ACADL: variants seen among roughly 807,000 people sequenced by gnomAD.
ACADL encodes the protein long-chain specific acyl-CoA dehydrogenase, mitochondrial.
Under a neutral mutation model 56.9 loss-of-function variants are expected in ACADL, and 60 were observed. That is an observed-to-expected ratio of 1.05 (90% confidence interval 0.86 to 1.31). The LOEUF is 1.31. Ranked by LOEUF, ACADL falls within the 50% of genes most tolerant of loss-of-function variation. The pLI is 0.00. For synonymous variants in ACADL, 158 were observed against 179.7 expected (o/e 0.88, Z 0.97); for missense variants, 484 against 525.5 (o/e 0.92, Z 0.77).
rs1689245103 is a variant in ACADL at position 210,224,997 on chromosome 2, C to T, written c.77+190G>A. The T allele has an allele frequency of 4.3e-6, 6 of 1,407,900 alleles. No homozygotes were observed. The South Asian group carries it at 7.7e-5, about 18-fold the overall frequency. The allele number at this position is 1,407,900 out of a possible 1,614,324, so 87.2% of individuals were successfully genotyped here. A position where few individuals can be genotyped will look rare whatever the true frequency, so the allele number is the denominator to read the frequency against. ...GCACGGCTGACACCCCTTTTTCCTC[C>T]GCCCAGATGCTGGTTGCACCCAGTC... On this transcript the variant is annotated intron_variant, in intron 1 of 10. Coordinates refer to ENST00000233710, the MANE Select transcript of ACADL (RefSeq NM_001608.4).
Position 210,225,283 on chromosome 2 carries a change from C to T in ACADL, c.-20G>A. 6.5e-7 allele frequency: 1 copy of T among 1,546,892 alleles called. No homozygotes were observed. ...GGCCATGTCCGAAACACAGGGGCGG[C>T]GGGGCGACGGAGGCGACTCTGCGGC... On this transcript the variant is annotated 5_prime_UTR_variant, in exon 1 of 11. Coordinates refer to ENST00000233710, the MANE Select transcript of ACADL (RefSeq NM_001608.4).
In ACADL at chr2:210,225,174, G is replaced by A. The variant is rs577868654; in HGVS notation, c.77+13C>T. The A allele has an allele frequency of 8.5e-6, 13 of 1,530,114 alleles. No homozygotes were observed. In the South Asian group the frequency reaches 1.3e-4, roughly 15 times the overall value. The allele number at this position is 1,530,114 out of a possible 1,614,324, so 94.8% of individuals were successfully genotyped here. A position where few individuals can be genotyped will look rare whatever the true frequency, so the allele number is the denominator to read the frequency against. ...CCCGGCCTGCAGCCGCGGAAGTCCC[G>A]GCTGGCACTCACCGCGCGGCGGGCA... On this transcript the variant is annotated intron_variant, in intron 1 of 10. Transcript: ENST00000233710.
chr2:210,212,222 C>A (rs1427963594), intron 4 of ACADL, among the ~76,000 whole-genome samples: 1 of 151,710 alleles, frequency 6.6e-6, no homozygotes, highest in Non-Finnish European at 1.5e-5. Flanking sequence ...GCTGTTGTAC[C>A]TTACATGGAA....
At position 210,220,013 on chromosome 2, in the gene ACADL, T is replaced by A. The variant is rs573416765; in HGVS notation, c.233+634A>T. 5.5e-4 allele frequency among the ~76,000 whole-genome samples: 84 copies of A among 152,232 alleles called. 2 individuals are homozygous for A. Among genetic ancestry groups the A allele is most frequent in the Admixed American group, 4.8e-3 (74 of 15,286 alleles). ...ATTTCTCTCTTCATTTTACTAATCTTCTAATTTCTGCTTCTAACATAATAA... is the reference window on the plus strand; with the variant it reads ...ATTTCTCTCTTCATTTTACTAATCTACTAATTTCTGCTTCTAACATAATAA... On this transcript the variant is annotated intron_variant, in intron 2 of 10. Transcript: ENST00000233710.
At chr2:210,202,149 G>A (rs572249905) in intron 8 of ACADL, among the ~76,000 whole-genome samples, 11 of 152,150 alleles carry the variant, frequency 7.2e-5, no homozygotes, top group Non-Finnish European at 1.5e-4. Context: ...ATGGAGTGCA[G>A]TGGTGCGATC....
At chr2:210,205,037 T>A (rs1688860737) in intron 6 of ACADL, among the ~76,000 whole-genome samples, 1 of 151,928 alleles carries the variant, frequency 6.6e-6, no homozygotes, top group Admixed American at 6.6e-5. Flanking sequence ...GTTTGTTTTA[T>A]TTTTTTTGAG....
intron 9 of ACADL, 115 bp from the exon 10 acceptor site, chr2:210,193,005 C>A: frequency 1.3e-6 from 1 of 763,414 alleles, no homozygotes. Context: ...ATTTATTAAG[C>A]AATTAGAACG....
intron 4 of ACADL, among the ~76,000 whole-genome samples, chr2:210,212,708 T>C (rs1403554123): frequency 1.3e-5 from 2 of 152,248 alleles, no homozygotes; most frequent in African/African-American, 2.4e-5. Context: ...ACCACACTTA[T>C]CTGACTCAAG....
At position 210,188,895 on chromosome 2, in the gene ACADL, C is replaced by G. The variant is rs1688588389; in HGVS notation, c.*66G>C. ...TAGTGTTTCCTCGCTTTCCAAGTTA[C>G]ATTTTATCTTGAGCAGATTTAAAAC... is the stretch of plus-strand genomic sequence containing the variant. On this transcript the variant is annotated 3_prime_UTR_variant, in exon 11 of 11. Coordinates refer to ENST00000233710, the MANE Select transcript of ACADL (RefSeq NM_001608.4). The G allele has an allele frequency of 8.7e-7, 1 of 1,148,470 alleles. No individual in the cohort carries two copies. Among genetic ancestry groups the G allele is most frequent in the Non-Finnish European group, 1.3e-6 (1 of 756,256 alleles). The allele number at this position is 1,148,470 out of a possible 1,614,324, so 71.1% of individuals were successfully genotyped here. A position where few individuals can be genotyped will look rare whatever the true frequency, so the allele number is the denominator to read the frequency against.
intron 9 of ACADL, 128 bp from the exon 10 acceptor site, chr2:210,193,018 A>G (rs1688660317): frequency 1.5e-6 from 1 of 683,002 alleles, no homozygotes; most frequent in South Asian, 1.7e-5. Context: ...TTAGAACGGC[A>G]TATTAGCTAA....
chr2:210,203,573 TC>T (rs1688834195), intron 7 of ACADL, 129 bp from the exon 8 acceptor site: 4 of 610,738 alleles, frequency 6.5e-6, no homozygotes, highest in Non-Finnish European at 1.1e-5. Flanking sequence ...ATATCTTAAC[TC>T]CTTATAAGAA....
chr2:210,217,280 A>C (rs1324365766), intron 3 of ACADL, among the ~76,000 whole-genome samples: 3 of 152,108 alleles, frequency 2.0e-5, no homozygotes, highest in African/African-American at 7.2e-5. Context: ...AAATTCCCCA[A>C]AGTGGCATTC....
chr2:210,209,359 C>T (rs1688942939), intron 5 of ACADL, among the ~76,000 whole-genome samples: 4 of 152,084 alleles, frequency 2.6e-5, no homozygotes, highest in African/African-American at 4.8e-5. Context: ...ATCACTTGCC[C>T]TCAGTGATAT....
intron 5 of ACADL, among the ~76,000 whole-genome samples, chr2:210,208,585 C>G (rs1362565578): frequency 2.0e-5 from 3 of 151,942 alleles, no homozygotes; most frequent in Non-Finnish European, 4.4e-5. Flanking sequence ...AAAATCATTG[C>G]AGATATTGTA....
chr2:210,206,437 A>G (rs1688889252), intron 5 of ACADL, among the ~76,000 whole-genome samples: 1 of 152,138 alleles, frequency 6.6e-6, no homozygotes, highest in Non-Finnish European at 1.5e-5. Context: ...TCTCTAGAAA[A>G]AAAGAAAAGA....
At chr2:210,216,617 A>G (rs1350975558) in intron 3 of ACADL, 106 bp from the exon 4 acceptor site, 3 of 1,028,470 alleles carry the variant, frequency 2.9e-6, no homozygotes, top group Non-Finnish European at 4.3e-6. Context: ...GTAGTGGCCT[A>G]TCTCATCACA....
intron 10 of ACADL, among the ~76,000 whole-genome samples, chr2:210,191,697 A>T (rs1481129781): frequency 1.3e-5 from 2 of 152,186 alleles, no homozygotes; most frequent in South Asian, 2.1e-4. Context: ...TTCCCTTTAG[A>T]TACTTTATAT....
chr2:210,188,469 T>C lies in ACADL; in HGVS notation c.*492A>G, dbSNP rs535243313. On this transcript the variant is annotated 3_prime_UTR_variant, in exon 11 of 11. Coordinates refer to ENST00000233710, the MANE Select transcript of ACADL (RefSeq NM_001608.4). ...GCTTTTGTTTGAAGAAAGAGTTCCA[T>C]TGCTTAAAAACGGGGTTGGAGTACA... The C allele has an allele frequency of 8.8e-5, 14 of 159,030 alleles. 2 individuals are homozygous for C. The South Asian group carries it at 2.5e-3, about 28-fold the overall frequency. 9.9% of individuals were successfully genotyped at this position (159,030 alleles called of 1,614,324 possible).
At chr2:210,220,089 A>T (rs1468579796) in intron 2 of ACADL, among the ~76,000 whole-genome samples, 1 of 152,200 alleles carries the variant, frequency 6.6e-6, no homozygotes, top group Non-Finnish European at 1.5e-5. Context: ...CAGTGTTAAC[A>T]TAATAACAAT....
Sources: gnomAD v4.1 joint callset for allele counts (sites outside exome capture counted in the v4.1 genomes callset) on GRCh38, gnomAD v4.1.1 for gene constraint, MANE v1.5 for transcripts, NCBI Gene and HGNC (gene_info 2026-07-23, HGNC 2026-07-21) for gene names.